Variants in ZNF609 observed in about 807,000 individuals in gnomAD.
The protein encoded by ZNF609 is zinc finger protein 609.
In ZNF609, 11 loss-of-function variants were observed where a neutral mutation model predicts 109.5. The observed-to-expected ratio is 0.10, with a 90% CI of 0.06 to 0.17. The LOEUF (loss-of-function observed/expected upper bound fraction) is 0.17. ZNF609 is among the 10% of genes least tolerant of loss of function. The probability of loss-of-function intolerance (pLI) is 1.00; values close to 1 mark genes in which losing one functional copy is unlikely to be tolerated. For missense variants in ZNF609, 1,559 were observed against 1,772.4 expected (o/e 0.88, Z 2.16); for synonymous variants, 646 against 662.0 (o/e 0.98, Z 0.37).
intron 5 of ZNF609, among the ~76,000 whole-genome samples, chr15:64,677,624 G>C (rs1242163015): frequency 3.3e-5 from 5 of 152,170 alleles, no homozygotes; most frequent in African/African-American, 1.2e-4. Context: ...GTTAGAACTA[G>C]GAACTTGGAA....
intron 3 of ZNF609, among the ~76,000 whole-genome samples, chr15:64,635,366 CT>C (rs1285185481): frequency 6.6e-6 from 1 of 152,182 alleles, no homozygotes; most frequent in African/African-American, 2.4e-5. Context: ...CCCTAACTAA[CT>C]TAGCTTTGAA....
At chr15:64,673,877 C>T (rs776868701) in intron 4 of ZNF609, 39 bp from the exon 5 acceptor site, 1 of 1,569,158 alleles carries the variant, frequency 6.4e-7, no homozygotes, top group African/African-American at 1.4e-5. Flanking sequence ...GATGTTTTCT[C>T]TTCTTAATAA....
intron 3 of ZNF609, among the ~76,000 whole-genome samples, chr15:64,651,446 C>T (rs1362215270): frequency 1.3e-5 from 2 of 152,306 alleles, no homozygotes; most frequent in South Asian, 4.1e-4. Context: ...TTATAGAGCT[C>T]AGCTCATTTT....
At chr15:64,529,166 C>G (rs1894017416) in intron 2 of ZNF609, 2 of 741,158 alleles carry the variant, frequency 2.7e-6, no homozygotes, top group Admixed American at 1.8e-5. Flanking sequence ...TCTATGATAC[C>G]AAAGTTGTCA....
intron 2 of ZNF609, among the ~76,000 whole-genome samples, chr15:64,549,777 T>C (rs1894433715): frequency 6.6e-6 from 1 of 152,140 alleles, no homozygotes; most frequent in African/African-American, 2.4e-5. Flanking sequence ...TTATTTTTCA[T>C]TTTTGGGCTT....
chr15:64,674,065 G>T lies in ZNF609; in HGVS notation c.1211G>T (p.Gly404Val), dbSNP rs1175076920. Reference protein sequence around the residue: ...GTSNSSKTRAGANSKGRRGSQ... With the variant: ...GTSNSSKTRAVANSKGRRGSQ... ...AGTAACAGCAGCAAAACCCGGGCAG[G>T]AGCCAATAGCAAAGGCCGTCGGGGC... The change falls in exon 5 of 10, where the codon GGA becomes GTA. Residue 404 changes from glycine (G) to valine (V), a missense_variant. Transcript: ENST00000326648. The T allele has an allele frequency of 5.6e-6, 9 of 1,614,054 alleles. No homozygotes were observed. Among genetic ancestry groups the T allele is most frequent in the Non-Finnish European group, 7.6e-6 (9 of 1,180,046 alleles).
At chr15:64,609,749 C>A (rs188980110) in intron 2 of ZNF609, among the ~76,000 whole-genome samples, 1 of 149,490 alleles carries the variant, frequency 6.7e-6, no homozygotes, top group Non-Finnish European at 1.5e-5. Flanking sequence ...AAAATAAGGC[C>A]GGGTGTGGTG....
chr15:64,636,824 C>T (rs983202976), intron 3 of ZNF609, among the ~76,000 whole-genome samples: 5 of 152,318 alleles, frequency 3.3e-5, no homozygotes, highest in East Asian at 1.9e-4. Context: ...CTGGCATAGC[C>T]TAATCTGTTA....
intron 3 of ZNF609, among the ~76,000 whole-genome samples, chr15:64,636,174 G>C (rs1009082513): frequency 6.6e-6 from 1 of 152,106 alleles, no homozygotes; most frequent in Non-Finnish European, 1.5e-5. Context: ...AGGGGTAGGG[G>C]TTAGGAAAAA....
chr15:64,674,423 T>C lies in ZNF609; in HGVS notation c.1569T>C (p.Asp523=). The C allele has an allele frequency of 2.5e-6, 4 of 1,614,130 alleles. No individual in the cohort carries two copies. Among genetic ancestry groups the C allele is most frequent in the Non-Finnish European group, 2.5e-6 (3 of 1,180,032 alleles). The change falls in exon 5 of 10, where the codon GAT becomes GAC. Residue 523 remains aspartate, a synonymous_variant. Transcript: ENST00000326648. ...KYHQAHAHTD[D]DSKPEADGDS... is the part of the protein sequence containing the mutation. ...ACCAAGCTCATGCCCATACAGATGA[T>C]GACAGCAAGCCGGAAGCGGATGGGG...
rs774425537 is a variant in ZNF609 at position 64,675,310 on chromosome 15, C to T, written c.2456C>T (p.Thr819Ile). 1.2e-6 allele frequency: 2 copies of T among 1,614,140 alleles called. No homozygotes were observed. The highest frequency in any genetic ancestry group is 2.2e-5 in the South Asian group (2 of 91,078). Residue 819 changes from threonine to isoleucine, a missense_variant, in exon 5 of 10, where the codon ACT (threonine) becomes ATT (isoleucine). By Grantham distance (89) the Thr-to-Ile change is moderately conservative. This residue lies in a region of ZNF609 where 1,204 missense variants were observed against 1,314.1 expected (regional missense o/e 0.92). Coordinates refer to ENST00000326648, the MANE Select transcript of ZNF609 (RefSeq NM_015042.2). ...GSSRLENTTPTQPLTPLHVVT... is the reference protein window; with the variant it reads ...GSSRLENTTPIQPLTPLHVVT... Reference sequence around the variant, plus strand: ...AGCCGCCTTGAAAACACTACCCCTACTCAGCCCCTGACTCCCTTACATGTG... The same window carrying T: ...AGCCGCCTTGAAAACACTACCCCTATTCAGCCCCTGACTCCCTTACATGTG...
chr15:64,603,215 T>C (rs1895532871), intron 2 of ZNF609, among the ~76,000 whole-genome samples: 1 of 152,002 alleles, frequency 6.6e-6, no homozygotes, highest in Non-Finnish European at 1.5e-5. Flanking sequence ...TCAGAAATCT[T>C]GAAGTCAGCC....
At chr15:64,584,536 A>C (rs532803137) in intron 2 of ZNF609, among the ~76,000 whole-genome samples, 71 of 152,142 alleles carry the variant, frequency 4.7e-4, no homozygotes, top group African/African-American at 1.6e-3. Flanking sequence ...CGTGACCTCA[A>C]GTAATCCACC....
intron 3 of ZNF609, among the ~76,000 whole-genome samples, chr15:64,661,958 TCA>T (rs905958290): frequency 6.6e-6 from 1 of 152,110 alleles, no homozygotes; most frequent in African/African-American, 2.4e-5. Flanking sequence ...AAATATTATC[TCA>T]CAGAGTTTCT....
chr15:64,633,892 A>T (rs1016809759), intron 3 of ZNF609, among the ~76,000 whole-genome samples: 1 of 151,986 alleles, frequency 6.6e-6, no homozygotes, highest in East Asian at 1.9e-4. Flanking sequence ...GGAAAAAAAA[A>T]ATTATTAAAA....
chr15:64,501,975 A>G (rs1288354174), intron 2 of ZNF609: 4 of 152,238 alleles, frequency 2.6e-5, no homozygotes, highest in Non-Finnish European at 5.9e-5. Flanking sequence ...TGAAAGATGC[A>G]GTATGTTCAG....
At chr15:64,488,908 A>G (rs1893369358) in intron 1 of ZNF609, among the ~76,000 whole-genome samples, 1 of 22,560 alleles carries the variant, frequency 4.4e-5, no homozygotes, top group Non-Finnish European at 2.4e-4. Flanking sequence ...CTTTGTTTCT[A>G]CAAAAAAAAG....
chr15:64,623,808 C>T (rs1202849220), intron 3 of ZNF609, among the ~76,000 whole-genome samples: 1 of 152,144 alleles, frequency 6.6e-6, no homozygotes, highest in Non-Finnish European at 1.5e-5. Flanking sequence ...CATCTGGTGG[C>T]AATTTGATTT....
intron 2 of ZNF609, among the ~76,000 whole-genome samples, chr15:64,585,595 C>T (rs1895182610): frequency 6.6e-6 from 1 of 152,098 alleles, no homozygotes; most frequent in Admixed American, 6.5e-5. Flanking sequence ...AATATAGTAA[C>T]AAATTAGTTT....
Sources: allele counts gnomAD v4.1 joint callset (sites outside exome capture counted in the v4.1 genomes callset), GRCh38; gene constraint gnomAD v4.1.1; regional missense constraint gnomAD v4.1.1; transcripts MANE v1.5; gene names NCBI Gene and HGNC (gene_info 2026-07-23, HGNC 2026-07-21).